Variants in LAMB3 observed in about 807,000 individuals in gnomAD.
The protein encoded by LAMB3 is laminin subunit beta-3.
LAMB3 carries 104 observed loss-of-function variants against 140.3 expected under a neutral mutation model. The ratio of observed to expected loss-of-function variants is 0.74; its 90% CI spans 0.63 to 0.87. The LOEUF (loss-of-function observed/expected upper bound fraction) is 0.87. Among genes scored for constraint, LAMB3 ranks in the 40% least tolerant of loss-of-function variants. LAMB3 has a pLI of 0.00. For missense variants in LAMB3, 1,531 were observed against 1,575.2 expected (o/e 0.97, Z 0.47); for synonymous variants, 592 against 602.9 (o/e 0.98, Z 0.26).
chr1:209,634,652 G>A lies in LAMB3; in HGVS notation c.373-14C>T, dbSNP rs775451152. On this transcript the variant is annotated splice_polypyrimidine_tract_variant and intron_variant, in intron 5 of 22. Coordinates refer to ENST00000356082, the MANE Select transcript of LAMB3 (RefSeq NM_000228.3). ...GGGCATGGGCCCCTGTGGAGACAGGGGCAGTGTGCAGAGGGGAGGCACTGG... is the reference window on the plus strand; with the variant it reads ...GGGCATGGGCCCCTGTGGAGACAGGAGCAGTGTGCAGAGGGGAGGCACTGG... 1.2e-6 allele frequency: 2 copies of A among 1,608,668 alleles called. No homozygotes were observed. The highest frequency in any genetic ancestry group is 2.7e-5 in the African/African-American group (2 of 74,744).
intron 6 of LAMB3, among the ~76,000 whole-genome samples, chr1:209,633,581 C>T (rs1274480634): frequency 6.6e-6 from 1 of 152,110 alleles, no homozygotes; most frequent in Admixed American, 6.5e-5. Context: ...AAAATCCACT[C>T]ATCATCTACA....
chr1:209,650,498 G>T (rs1348415957), intron 2 of LAMB3, among the ~76,000 whole-genome samples: 2 of 152,210 alleles, frequency 1.3e-5, no homozygotes, highest in Non-Finnish European at 2.9e-5. Context: ...TGAGCCATTG[G>T]CAGAACATTA....
intron 18 of LAMB3, among the ~76,000 whole-genome samples, chr1:209,622,241 G>A (rs1304673953): frequency 2.0e-5 from 3 of 152,210 alleles, no homozygotes; most frequent in Admixed American, 2.0e-4. Flanking sequence ...CCAAGAACAA[G>A]GTGAAGCCAC....
chr1:209,634,400 T>G, intron 6 of LAMB3, 47 bp downstream of exon 6: 1 of 1,570,146 alleles, frequency 6.4e-7, no homozygotes, highest in Non-Finnish European at 8.8e-7. Flanking sequence ...CAGTGGGACA[T>G]CAGGGATTTC....
chr1:209,615,556 CT>C, intron 22 of LAMB3, 149 bp from the exon 23 acceptor site: 1 of 889,660 alleles, frequency 1.1e-6, no homozygotes, highest in Non-Finnish European at 1.6e-6. Context: ...AGTGGTGCCC[CT>C]CCAGCTTCAT....
chr1:209,628,565 C>T (rs1023477316), intron 10 of LAMB3, among the ~76,000 whole-genome samples: 27 of 152,180 alleles, frequency 1.8e-4, no homozygotes, highest in East Asian at 5.8e-4. Context: ...GGCACGGTGG[C>T]GCATGCCTGT....
chr1:209,622,963 C>T lies in LAMB3; in HGVS notation c.2556+19G>A. 6.2e-7 allele frequency: 1 copy of T among 1,611,960 alleles called. No individual in the cohort carries two copies. On this transcript the variant is annotated intron_variant, in intron 17 of 22. Transcript: ENST00000356082. ...CTGCCTCCTCCTACCTGTGCCCACC[C>T]CGCCTCGGCTGCACTTACCATCTGC...
chr1:209,643,731 A>G (rs2076491251), intron 3 of LAMB3, among the ~76,000 whole-genome samples: 1 of 152,060 alleles, frequency 6.6e-6, no homozygotes. Context: ...GCTCCCTCCC[A>G]TGAGGAAGCC....
chr1:209,636,782 T>C (rs1666909120), intron 5 of LAMB3, among the ~76,000 whole-genome samples: 1 of 152,190 alleles, frequency 6.6e-6, no homozygotes. Flanking sequence ...TTCCCCTGGG[T>C]GCACTCCCTG....
chr1:209,627,479 G>T lies in LAMB3; in HGVS notation c.1389C>A (p.Asp463Glu). 1 of 1,614,010 alleles carries T rather than the reference G, an allele frequency of 6.2e-7. No individual in the cohort carries two copies. The highest frequency in any genetic ancestry group is 8.5e-7 in the Non-Finnish European group (1 of 1,180,006). Residue 463 changes from aspartate (D) to glutamate (E), a missense_variant, in exon 12 of 23, where the codon GAC (aspartate) becomes GAA (glutamate). Transcript: ENST00000356082. ...GCTTCCAGTGGTAGGGAGCACACTG[G>T]TCACATTTGGGACCCACCACGTTGG... ...CLPNVVGPKC[D>E]QCAPYHWKLA... is the part of the protein sequence containing the mutation.
At chr1:209,616,437 C>T in intron 22 of LAMB3, 34 bp downstream of exon 22, 1 of 1,613,178 alleles carries the variant, frequency 6.2e-7, no homozygotes, top group South Asian at 1.1e-5. Flanking sequence ...TTCATGAATG[C>T]CCAATAGTCC....
intron 3 of LAMB3, 45 bp downstream of exon 3, chr1:209,649,919 C>T (rs1307018527): frequency 6.2e-7 from 1 of 1,607,550 alleles, no homozygotes; most frequent in Non-Finnish European, 8.5e-7. Flanking sequence ...AGCTCACACA[C>T]CCCTCCCATC....
intron 14 of LAMB3, among the ~76,000 whole-genome samples, chr1:209,624,881 A>C (rs2102418142): frequency 8.3e-5 from 1 of 12,002 alleles, no homozygotes; most frequent in African/African-American, 4.1e-4. Flanking sequence ...AAAGAGAGAG[A>C]GGAAGGAAGG....
intron 3 of LAMB3, among the ~76,000 whole-genome samples, chr1:209,645,480 C>A (rs903391907): frequency 6.6e-6 from 1 of 152,070 alleles, no homozygotes; most frequent in African/African-American, 2.4e-5. Context: ...CTTTGGGAGG[C>A]CAAGGCGGGC....
Position 209,618,035 on chromosome 1 carries a change from C to T in LAMB3, c.2923G>A (p.Ala975Thr). Residue 975 changes from alanine (A) to threonine (T), a missense_variant, in exon 20 of 23, where the codon GCA becomes ACA. By Grantham distance (58) the Ala-to-Thr change is moderately conservative. Coordinates refer to ENST00000356082, the MANE Select transcript of LAMB3 (RefSeq NM_000228.3). Reference sequence around the variant, plus strand: ...ACATCTTCCACCTGGCCCTCCACTGCATGGGCTCGGCTCCTGGGTGAGAGA... The same window carrying T: ...ACATCTTCCACCTGGCCCTCCACTGTATGGGCTCGGCTCCTGGGTGAGAGA... ...EAEEARSRAH[A>T]VEGQVEDVVG... 1.9e-6 allele frequency: 3 copies of T among 1,614,190 alleles called. No homozygotes were observed. The highest frequency in any genetic ancestry group is 1.3e-5 in the African/African-American group (1 of 75,034).
rs754373356 is a variant in LAMB3 at position 209,617,478 on chromosome 1, CCTG to C, written c.3157_3159del (p.Gln1053del). 24 of 1,613,860 alleles carry C rather than the reference CCTG, an allele frequency of 1.5e-5. No individual in the cohort carries two copies. Among genetic ancestry groups the C allele is most frequent in the Non-Finnish European group, 1.9e-5 (23 of 1,180,044 alleles). ...TGCTGGGCCTGGACTGCCTCTGCCCCCTGCTGCCGGGCTTGGTGGCGGAGCTCC... is the reference window on the plus strand; with the variant it reads ...TGCTGGGCCTGGACTGCCTCTGCCCCCTGCCGGGCTTGGTGGCGGAGCTCC... On this transcript the variant is annotated inframe_deletion, in exon 21 of 23. Coordinates refer to ENST00000356082, the MANE Select transcript of LAMB3 (RefSeq NM_000228.3).
At chr1:209,633,167 A>C in intron 6 of LAMB3, 34 bp from the exon 7 acceptor site, 1 of 1,486,112 alleles carries the variant, frequency 6.7e-7, no homozygotes, top group Non-Finnish European at 9.4e-7. Context: ...GCGCTGAAGA[A>C]GAGACAAATA....
chr1:209,626,416 AGGCAGG>A (rs905048802), intron 13 of LAMB3, among the ~76,000 whole-genome samples: 3 of 152,198 alleles, frequency 2.0e-5, no homozygotes, highest in African/African-American at 7.2e-5. Context: ...TCACTCAGTG[AGGCAGG>A]GGCAGAGCTG....
chr1:209,646,213 G>A (rs541634807), intron 3 of LAMB3, among the ~76,000 whole-genome samples: 13 of 152,284 alleles, frequency 8.5e-5, no homozygotes, highest in Admixed American at 2.6e-4. Context: ...CGGCAAATCC[G>A]CTGGTTCTTG....
Sources: gnomAD v4.1 joint callset for allele counts (sites outside exome capture counted in the v4.1 genomes callset) on GRCh38, gnomAD v4.1.1 for gene constraint, MANE v1.5 for transcripts, NCBI Gene and HGNC (gene_info 2026-07-23, HGNC 2026-07-21) for gene names.